The following LRP1B variants were observed in gnomAD, a reference collection of about 807,000 sequenced individuals.
LRP1B encodes low-density lipoprotein receptor-related protein 1B.
LRP1B carries 217 observed loss-of-function variants against 556.6 expected under a neutral mutation model. The ratio of observed to expected loss-of-function variants is 0.39; its 90% CI spans 0.35 to 0.44. The LOEUF is 0.44. Among genes scored for constraint, LRP1B ranks in the 20% least tolerant of loss-of-function variants. The pLI, the probability that LRP1B is intolerant of heterozygous loss-of-function variation, is 1.00. For missense variants in LRP1B, 5,053 were observed against 5,620.8 expected (o/e 0.90, Z 3.23); for synonymous variants, 2,047 against 1,865.8 (o/e 1.10, Z -2.50).
At chr2:140,721,707 C>G (rs1485625071) in intron 35 of LRP1B, among the ~76,000 whole-genome samples, 2 of 115,000 alleles carry the variant, frequency 1.7e-5, no homozygotes, top group East Asian at 2.4e-4. Flanking sequence ...ACCAGCACAC[C>G]CGGCTATTTT....
At chr2:141,591,167 CT>C (rs1430495955) in intron 2 of LRP1B, among the ~76,000 whole-genome samples, 2 of 152,156 alleles carry the variant, frequency 1.3e-5, no homozygotes, top group Non-Finnish European at 2.9e-5. Flanking sequence ...TCCTGATGCA[CT>C]TTGCCCATTT....
intron 4 of LRP1B, among the ~76,000 whole-genome samples, chr2:141,248,701 A>G (rs1470377272): frequency 6.6e-6 from 1 of 152,174 alleles, no homozygotes; most frequent in East Asian, 1.9e-4. Context: ...AAGACTGTAC[A>G]TTACACATTG....
intron 7 of LRP1B, among the ~76,000 whole-genome samples, chr2:141,115,651 GTGTGTGTT>G (rs1184176116): frequency 1.6e-5 from 2 of 122,464 alleles, no homozygotes; most frequent in Non-Finnish European, 3.7e-5. Flanking sequence ...GTGTGTGTGT[GTGTGTGTT>G]TTTTAGTAGA....
chr2:140,875,289 C>T (rs1350089829), intron 25 of LRP1B, among the ~76,000 whole-genome samples: 2 of 152,138 alleles, frequency 1.3e-5, no homozygotes, highest in East Asian at 3.9e-4. Context: ...CATACTAATG[C>T]AAGACCAGTA....
intron 7 of LRP1B, among the ~76,000 whole-genome samples, chr2:141,093,727 A>T (rs1201066613): frequency 2.0e-5 from 3 of 151,096 alleles, no homozygotes; most frequent in Admixed American, 2.0e-4. Flanking sequence ...AAAAACAACA[A>T]TTTTTTTTTG....
At chr2:141,720,274 T>C (rs1019602722) in intron 2 of LRP1B, among the ~76,000 whole-genome samples, 1 of 152,146 alleles carries the variant, frequency 6.6e-6, no homozygotes, top group African/African-American at 2.4e-5. Flanking sequence ...TTATAGTTCT[T>C]CTAGAACTTT....
chr2:141,862,413 A>G (rs1698275776), intron 1 of LRP1B, among the ~76,000 whole-genome samples: 1 of 152,136 alleles, frequency 6.6e-6, no homozygotes. Flanking sequence ...TCAGCCACTG[A>G]AATTACGTGA....
chr2:141,117,109 A>T (rs10084341), intron 7 of LRP1B, among the ~76,000 whole-genome samples: 35,508 of 150,242 alleles, frequency 0.24, 4,750 homozygotes, highest in East Asian at 0.51. Flanking sequence ...CTTTTCATTT[A>T]TCATTGACTT....
intron 84 of LRP1B, among the ~76,000 whole-genome samples, chr2:140,291,539 C>T (rs906161364): frequency 1.3e-5 from 2 of 151,478 alleles, no homozygotes; most frequent in Non-Finnish European, 2.9e-5. Flanking sequence ...CAGTTCCCAC[C>T]CATGACTGAG....
chr2:140,701,117 T>TTTTCACCAGTCTAATTCTC (rs1553515917), intron 40 of LRP1B, among the ~76,000 whole-genome samples: 9 of 151,214 alleles, frequency 6.0e-5, no homozygotes, highest in Non-Finnish European at 1.0e-4. Flanking sequence ...ACTTAAAATT[T>TTTTCACCAGTCTAATTCTC]CTTCACCAGT....
chr2:140,577,917 G>C (rs981711236), intron 43 of LRP1B, among the ~76,000 whole-genome samples: 1 of 152,108 alleles, frequency 6.6e-6, no homozygotes. Context: ...TGATTTAACT[G>C]TTATTTAAAG....
intron 1 of LRP1B, among the ~76,000 whole-genome samples, chr2:142,029,484 C>T (rs1039224957): frequency 3.3e-5 from 5 of 151,740 alleles, no homozygotes; most frequent in South Asian, 2.1e-4. Flanking sequence ...AAATAGAAAA[C>T]ATATAATACA....
Position 140,868,083 on chromosome 2 carries a change from A to G in LRP1B, c.4334+16T>C, listed in dbSNP as rs2105155748. 1 of 1,573,396 alleles carries G rather than the reference A, an allele frequency of 6.4e-7. No homozygotes were observed. The highest frequency in any genetic ancestry group is 8.6e-7 in the Non-Finnish European group (1 of 1,167,430). ...AAGTAAAAAAAAAAATACAGAAAAG[A>G]GATGATTTTTTAAACCTGGCGTCTG... On this transcript the variant is annotated intron_variant, in intron 26 of 90. Transcript: ENST00000389484.
At chr2:141,206,446 G>C (rs932865126) in intron 6 of LRP1B, among the ~76,000 whole-genome samples, 2 of 151,956 alleles carry the variant, frequency 1.3e-5, no homozygotes, top group African/African-American at 2.4e-5. Flanking sequence ...TTAGCCAGGC[G>C]TGGTGGCGGG....
At chr2:140,377,860 G>A (rs570311269) in intron 68 of LRP1B, among the ~76,000 whole-genome samples, 2 of 152,270 alleles carry the variant, frequency 1.3e-5, no homozygotes, top group East Asian at 3.9e-4. Context: ...TATAAATACT[G>A]CAGCAAATTT....
At chr2:141,846,968 A>G (rs959152609) in intron 1 of LRP1B, among the ~76,000 whole-genome samples, 6 of 151,580 alleles carry the variant, frequency 4.0e-5, no homozygotes, top group African/African-American at 1.4e-4. Context: ...TATGCTACTC[A>G]AGAGTTCTCT....
At chr2:141,376,689 C>T (rs1689451122) in intron 3 of LRP1B, among the ~76,000 whole-genome samples, 1 of 151,834 alleles carries the variant, frequency 6.6e-6, no homozygotes, top group Admixed American at 6.6e-5. Flanking sequence ...AAATGAGTGG[C>T]TAAAATAAAC....
At chr2:140,761,209 C>T (rs1688909157) in intron 35 of LRP1B, among the ~76,000 whole-genome samples, 1 of 152,176 alleles carries the variant, frequency 6.6e-6, no homozygotes, top group African/African-American at 2.4e-5. Context: ...ATTAATAATT[C>T]ATTATCACAT....
intron 1 of LRP1B, among the ~76,000 whole-genome samples, chr2:141,980,062 T>G (rs908751757): frequency 5.3e-5 from 8 of 152,150 alleles, no homozygotes; most frequent in Non-Finnish European, 1.2e-4. Context: ...TTGAATATCC[T>G]AAATTACTCT....
Sources: allele counts gnomAD v4.1 joint callset (sites outside exome capture counted in the v4.1 genomes callset), GRCh38; gene constraint gnomAD v4.1.1; transcripts MANE v1.5; gene names NCBI Gene and HGNC (gene_info 2026-07-23, HGNC 2026-07-21).